GTPBP1: variants seen among roughly 807,000 people sequenced by gnomAD.
GTPBP1 encodes GTP binding protein 1.
In GTPBP1, 23 loss-of-function variants were observed where a neutral mutation model predicts 62.0. That is an observed-to-expected ratio of 0.37 (90% CI 0.27 to 0.53). The LOEUF is 0.53. GTPBP1 is among the 20% of genes least tolerant of loss of function. The pLI is 0.89. For synonymous variants in GTPBP1, 344 were observed against 364.4 expected (o/e 0.94, Z 0.64); for missense variants, 640 against 917.3 (o/e 0.70, Z 3.90).
downstream of GTPBP1, chr22:38,742,179 G>A: frequency 2.4e-6 from 3 of 1,245,372 alleles, no homozygotes; most frequent in Non-Finnish European, 3.3e-6. Flanking sequence ...GAGAAAGGGA[G>A]TAACTGCAAA....
At chr22:38,734,986 A>G, downstream of GTPBP1, 1 of 293,276 alleles carries the variant, frequency 3.4e-6, no homozygotes, top group Non-Finnish European at 6.7e-6. Context: ...ACACAGCCGG[A>G]ACCAGTGCCC....
Position 38,730,845 on chromosome 22 carries a change from A to C in GTPBP1, c.*141A>C. On this transcript the variant is annotated 3_prime_UTR_variant, in exon 12 of 12. Transcript: ENST00000216044. The surrounding 1 kb of genome is among the most constrained non-coding windows in gnomAD (Gnocchi z 5.6). ...GAGCCTCCGCATTGCCCCCACCCCC[A>C]TTTTCCAGGGGGGTTGTAATTTATA... 1 of 557,246 alleles carries C rather than the reference A, an allele frequency of 1.8e-6. No individual in the cohort carries two copies. Among genetic ancestry groups the C allele is most frequent in the Non-Finnish European group, 3.1e-6 (1 of 317,718 alleles). 34.5% of individuals were successfully genotyped at this position (557,246 alleles called of 1,614,324 possible).
At chr22:38,740,936 C>T (rs1414024798), downstream of GTPBP1, 1 of 1,484,354 alleles carries the variant, frequency 6.7e-7, no homozygotes, top group Non-Finnish European at 9.2e-7. This position sits in a 1 kb window ranked among gnomAD's most constrained non-coding sequence, Gnocchi z 4.8. Flanking sequence ...CGGCTCTGCT[C>T]CCCAGTCCTG....
At chr22:38,718,536 C>A (rs1249776555) in intron 4 of GTPBP1, among the ~76,000 whole-genome samples, 1 of 152,098 alleles carries the variant, frequency 6.6e-6, no homozygotes, top group Non-Finnish European at 1.5e-5. Flanking sequence ...AAAAGCAAGT[C>A]TGCATTGGGT....
downstream of GTPBP1, chr22:38,739,679 A>T (rs1238254720): frequency 6.3e-6 from 10 of 1,590,942 alleles, no homozygotes; most frequent in Non-Finnish European, 8.6e-6. This position sits in a 1 kb window ranked among gnomAD's most constrained non-coding sequence, Gnocchi z 6.7. Flanking sequence ...CCCAGGGAGG[A>T]GAGCTGTGGG....
chr22:38,706,397 C>T (rs987104335), intron 1 of GTPBP1: 4 of 321,690 alleles, frequency 1.2e-5, no homozygotes, highest in Non-Finnish European at 2.3e-5. Flanking sequence ...TCCCGTCTCC[C>T]GCCGAGATCG....
At chr22:38,735,664 A>C (rs972813517), downstream of GTPBP1, 2 of 167,692 alleles carry the variant, frequency 1.2e-5, no homozygotes, top group Admixed American at 1.2e-4. Context: ...GCCCACTGCT[A>C]CCCTCCCCGG....
intron 6 of GTPBP1, 111 bp downstream of exon 6, chr22:38,724,522 C>A: frequency 1.5e-6 from 1 of 666,924 alleles, no homozygotes; most frequent in South Asian, 1.6e-5. Context: ...ATGAAAACAC[C>A]ACATCAACAC....
intron 2 of GTPBP1, among the ~76,000 whole-genome samples, chr22:38,713,515 A>G (rs1487281720): frequency 6.6e-6 from 1 of 152,188 alleles, no homozygotes; most frequent in East Asian, 1.9e-4. Flanking sequence ...TCAGGGAAGG[A>G]GGCAAGGTAA....
chr22:38,738,818 G>T, downstream of GTPBP1: 2 of 1,597,604 alleles, frequency 1.3e-6, no homozygotes, highest in Non-Finnish European at 1.7e-6. This position sits in a 1 kb window ranked among gnomAD's most constrained non-coding sequence, Gnocchi z 6.6. Context: ...ACCCCAGATG[G>T]GACCAGCCCT....
downstream of GTPBP1, chr22:38,740,963 G>A: frequency 1.3e-6 from 2 of 1,563,740 alleles, no homozygotes; most frequent in Non-Finnish European, 1.7e-6. The surrounding 1 kb of genome is among the most constrained non-coding windows in gnomAD (Gnocchi z 4.8). Context: ...GAGTGGGTGG[G>A]GCTGGGGAGG....
At position 38,727,898 on chromosome 22, in the gene GTPBP1, ATT is replaced by A. The variant is rs2145881690; in HGVS notation, c.1538-83_1538-82del. 1.1e-6 allele frequency: 1 copy of A among 903,196 alleles called. No individual in the cohort carries two copies. The highest frequency in any genetic ancestry group is 2.5e-5 in the East Asian group (1 of 40,354). 55.9% of individuals were successfully genotyped at this position (903,196 alleles called of 1,614,324 possible). A position where few individuals can be genotyped will look rare whatever the true frequency, so the allele number is the denominator to read the frequency against. On this transcript the variant is annotated intron_variant, in intron 9 of 11. Coordinates refer to ENST00000216044, the MANE Select transcript of GTPBP1 (RefSeq NM_004286.5). This position sits in a 1 kb window ranked among gnomAD's most constrained non-coding sequence, Gnocchi z 6.5. ...CCCCACCCTTCCACAGCTTAAGCGT[ATT>A]TCATGCTTTCACTCACTGCCTCCCG...
chr22:38,710,764 G>A (rs2092634031), intron 2 of GTPBP1, among the ~76,000 whole-genome samples: 1 of 152,116 alleles, frequency 6.6e-6, no homozygotes, highest in South Asian at 2.1e-4. Flanking sequence ...ACCACATATA[G>A]GTCAATTTTG....
rs12158303 is a variant in GTPBP1 at position 38,730,469 on chromosome 22, T to G, written c.1918-143T>G. 8.8e-3 allele frequency: 5,512 copies of G among 628,686 alleles called. 228 individuals carry two copies. In the African/African-American group the frequency reaches 0.09, roughly 10 times the overall value. 38.9% of individuals were successfully genotyped at this position (628,686 alleles called of 1,614,324 possible). A position where few individuals can be genotyped will look rare whatever the true frequency, so the allele number is the denominator to read the frequency against. ...AGGTGCTGCATGCAGAGTGACCCAG[T>G]AAATTCCTGGTCAGGCTAGGGTGAG... is the stretch of plus-strand genomic sequence containing the variant. On this transcript the variant is annotated intron_variant, in intron 11 of 11. Coordinates refer to ENST00000216044, the MANE Select transcript of GTPBP1 (RefSeq NM_004286.5). This position sits in a 1 kb window ranked among gnomAD's most constrained non-coding sequence, Gnocchi z 5.6.
At position 38,726,287 on chromosome 22, in the gene GTPBP1, A is replaced by G. The variant is rs543404956; in HGVS notation, c.1248A>G (p.Thr416=). Residue 416 remains threonine (T), a synonymous_variant, in exon 8 of 12, where the codon ACA becomes ACG. Coordinates refer to ENST00000216044, the MANE Select transcript of GTPBP1 (RefSeq NM_004286.5). The surrounding 1 kb of genome is among the most constrained non-coding windows in gnomAD (Gnocchi z 4.1). ...PGVGTVVSGT[T]LRGLIKLNDT... is the part of the protein sequence containing the mutation. ...TGGGGACAGTGGTTTCGGGGACAACACTGAGAGGCCTGATCAAGCTGAATG... is the reference window on the plus strand; with the variant it reads ...TGGGGACAGTGGTTTCGGGGACAACGCTGAGAGGCCTGATCAAGCTGAATG... The G allele has an allele frequency of 6.8e-6, 11 of 1,614,002 alleles. No individual in the cohort carries two copies. The East Asian group carries it at 2.2e-4, about 33-fold the overall frequency.
intron 2 of GTPBP1, among the ~76,000 whole-genome samples, chr22:38,711,010 C>G (rs1569275347): frequency 6.6e-6 from 1 of 152,162 alleles, no homozygotes; most frequent in Non-Finnish European, 1.5e-5. Context: ...CTATTAGATT[C>G]ATAGTGACTC....
rs752083996 is a variant in GTPBP1, at chr22:38,708,872, C to G, written c.220C>G (p.Gln74Glu). 1.1e-5 allele frequency: 17 copies of G among 1,609,234 alleles called. No homozygotes were observed. The Admixed American group carries it at 2.7e-4, about 25-fold the overall frequency. Residue 74 changes from glutamine to glutamate, a missense_variant, in exon 2 of 12, where the codon CAG becomes GAG. Around this residue, in one of 4 missense-constraint regions of GTPBP1, gnomAD observed 215 missense variants for 235.1 expected, o/e 0.91. Coordinates refer to ENST00000216044, the MANE Select transcript of GTPBP1 (RefSeq NM_004286.5). Reference sequence around the variant, plus strand: ...GGTTCTAGTGAGCCCTACATCAGAGCAGTATGACAGCCTACTTCGGCAGAT... The same window carrying G: ...GGTTCTAGTGAGCCCTACATCAGAGGAGTATGACAGCCTACTTCGGCAGAT... ...KLVLVSPTSE[Q>E]YDSLLRQMWE...
At chr22:38,728,278 A>AGGCCACACCTCAGTG in intron 10 of GTPBP1, 117 bp downstream of exon 10, 1 of 728,344 alleles carries the variant, frequency 1.4e-6, no homozygotes, top group Non-Finnish European at 2.3e-6. Context: ...GGACCCACTG[A>AGGCCACACCTCAGTG]GGTGTGGCCT....
Position 38,727,205 on chromosome 22 carries a change from T to C in GTPBP1, c.1402-8T>C. ...TCCCTGAGGGCTGGGGCTCCCTCTTTCTTTCAGATCAAGCGCTCGTCCATC... is the reference window on the plus strand; with the variant it reads ...TCCCTGAGGGCTGGGGCTCCCTCTTCCTTTCAGATCAAGCGCTCGTCCATC... On this transcript the variant is annotated splice_region_variant and splice_polypyrimidine_tract_variant and intron_variant, in intron 8 of 11. Coordinates refer to ENST00000216044, the MANE Select transcript of GTPBP1 (RefSeq NM_004286.5). The surrounding 1 kb of genome is among the most constrained non-coding windows in gnomAD (Gnocchi z 6.5). 6.4e-7 allele frequency: 1 copy of C among 1,556,516 alleles called. No homozygotes were observed. Among genetic ancestry groups the C allele is most frequent in the Non-Finnish European group, 8.7e-7 (1 of 1,152,180 alleles).
Sources: gnomAD v4.1 joint callset for allele counts (sites outside exome capture counted in the v4.1 genomes callset) on GRCh38, gnomAD v4.1.1 for gene constraint, gnomAD v4.1.1 regional missense constraint, Gnocchi (gnomAD v3.1) non-coding constraint, MANE v1.5 for transcripts, NCBI Gene and HGNC (gene_info 2026-07-23, HGNC 2026-07-21) for gene names.